The following DTNA variants were observed in gnomAD, a reference collection of about 807,000 sequenced individuals.
DTNA encodes the protein dystrobrevin alpha, also known as dystrophin-related protein 3.
Under a neutral mutation model 100.7 loss-of-function variants are expected in DTNA, and 43 were observed. The ratio of observed to expected loss-of-function variants is 0.43; its 90% CI spans 0.33 to 0.55. The LOEUF (loss-of-function observed/expected upper bound fraction) is 0.55. Among genes scored for constraint, DTNA ranks in the 20% least tolerant of loss-of-function variants. The pLI, the probability that DTNA is intolerant of heterozygous loss-of-function variation, is 0.04. For missense variants in DTNA, 798 were observed against 953.9 expected, an observed-to-expected ratio of 0.84 and a Z score of 2.15; for synonymous variants, 349 against 347.9, an observed-to-expected ratio of 1.00 and a Z score of -0.04.
At chr18:34,613,506 G>A (rs1332084978) in intron 1 of DTNA, among the ~76,000 whole-genome samples, 1 of 152,162 alleles carries the variant, frequency 6.6e-6, no homozygotes, top group Non-Finnish European at 1.5e-5. Context: ...CAAAGTAAAA[G>A]GGAAAGTTCT....
At chr18:34,731,218 G>A (rs910659549) in intron 1 of DTNA, among the ~76,000 whole-genome samples, 1 of 152,196 alleles carries the variant, frequency 6.6e-6, no homozygotes, top group Non-Finnish European at 1.5e-5. Flanking sequence ...GGTGGCTCAC[G>A]CCTGTAATCC....
At chr18:34,878,939 CA>C (rs1378964493) in intron 19 of DTNA, among the ~76,000 whole-genome samples, 1 of 152,140 alleles carries the variant, frequency 6.6e-6, no homozygotes, top group Non-Finnish European at 1.5e-5. Flanking sequence ...TAAAGCCTCT[CA>C]ATTGAAAATT....
At chr18:34,596,164 T>A (rs1451944824) in intron 1 of DTNA, among the ~76,000 whole-genome samples, 1 of 152,200 alleles carries the variant, frequency 6.6e-6, no homozygotes, top group Non-Finnish European at 1.5e-5. Flanking sequence ...ATATGCCAAA[T>A]CTTCACCATC....
intron 1 of DTNA, among the ~76,000 whole-genome samples, chr18:34,549,116 C>G (rs2045117724): frequency 6.6e-6 from 1 of 152,014 alleles, no homozygotes; most frequent in Non-Finnish European, 1.5e-5. Flanking sequence ...CCCTCTTTCC[C>G]TTTCTCTCTC....
At chr18:34,782,659 G>A (rs1295239913) in intron 3 of DTNA, among the ~76,000 whole-genome samples, 3 of 152,120 alleles carry the variant, frequency 2.0e-5, no homozygotes, top group African/African-American at 7.2e-5. Context: ...ATACAAGAAA[G>A]CCAAGGGAAT....
chr18:34,813,308 A>C (rs1282991492), intron 6 of DTNA, among the ~76,000 whole-genome samples: 4 of 151,502 alleles, frequency 2.6e-5, no homozygotes. Flanking sequence ...TTCTACGAAA[A>C]ATTTTTAAAA....
chr18:34,887,872 C>T lies in DTNA; in HGVS notation c.*138C>T, dbSNP rs933647529. ...GACAGCAGCCTGGCAGCAGCCTCAC[C>T]GAAGAGAGGAACCACCACACCCAGC... On this transcript the variant is annotated 3_prime_UTR_variant, in exon 23 of 23. Transcript: ENST00000444659. 22 of 986,576 alleles carry T rather than the reference C, an allele frequency of 2.2e-5. No individual in the cohort carries two copies. The highest frequency in any genetic ancestry group is 1.6e-4 in the African/African-American group (9 of 57,248). The allele number at this position is 986,576 out of a possible 1,614,324, so 61.1% of individuals were successfully genotyped here.
At chr18:34,807,069 C>T (rs1345162816) in intron 5 of DTNA, among the ~76,000 whole-genome samples, 7 of 152,204 alleles carry the variant, frequency 4.6e-5, no homozygotes, top group South Asian at 4.1e-4. Context: ...TTGAGGGCTT[C>T]GGTAAAACAT....
At chr18:34,642,067 A>G (rs557572690) in intron 1 of DTNA, among the ~76,000 whole-genome samples, 1 of 152,182 alleles carries the variant, frequency 6.6e-6, no homozygotes, top group Non-Finnish European at 1.5e-5. Flanking sequence ...ATTAATATAC[A>G]TTGATTATTC....
chr18:34,779,047 A>T (rs1368975684), intron 3 of DTNA, among the ~76,000 whole-genome samples: 1 of 152,018 alleles, frequency 6.6e-6, no homozygotes, highest in Admixed American at 6.6e-5. Flanking sequence ...AGTATTTTTA[A>T]AAATCATTCT....
intron 11 of DTNA, among the ~76,000 whole-genome samples, chr18:34,830,879 C>G (rs1194720186): frequency 1.3e-5 from 2 of 152,264 alleles, no homozygotes; most frequent in East Asian, 3.9e-4. Context: ...TCTATTATCA[C>G]CACTGGGGAA....
intron 1 of DTNA, among the ~76,000 whole-genome samples, chr18:34,515,721 A>G (rs2041536267): frequency 6.6e-6 from 1 of 152,114 alleles, no homozygotes; most frequent in Non-Finnish European, 1.5e-5. Context: ...CTCGTAACCA[A>G]CAAATGCTGT....
chr18:34,647,400 G>C (rs898074911), intron 1 of DTNA, among the ~76,000 whole-genome samples: 1 of 152,072 alleles, frequency 6.6e-6, no homozygotes, highest in Non-Finnish European at 1.5e-5. Context: ...CCACCAGTAG[G>C]GGGAAAAATG....
At chr18:34,665,016 C>T (rs2075714016) in intron 1 of DTNA, among the ~76,000 whole-genome samples, 1 of 151,186 alleles carries the variant, frequency 6.6e-6, no homozygotes, top group Admixed American at 6.6e-5. Context: ...CTCATCTCCC[C>T]AGAGTCAGAT....
chr18:34,515,111 A>G (rs918217579), intron 1 of DTNA, among the ~76,000 whole-genome samples: 5 of 152,076 alleles, frequency 3.3e-5, no homozygotes, highest in Non-Finnish European at 5.9e-5. Context: ...ATTGCAAAAC[A>G]GCTGGCTCAA....
At chr18:34,822,329 C>CTAATGAA (rs1241677478) in intron 9 of DTNA, 1 of 152,210 alleles carries the variant, frequency 6.6e-6, no homozygotes, top group African/African-American at 2.4e-5. Flanking sequence ...CACTAAGTTG[C>CTAATGAA]TAATGAATGA....
intron 22 of DTNA, among the ~76,000 whole-genome samples, chr18:34,887,039 A>G (rs538580140): frequency 2.0e-5 from 3 of 152,322 alleles, no homozygotes; most frequent in African/African-American, 7.2e-5. Context: ...TCAGCTTGAC[A>G]TTAGTTAGCC....
chr18:34,616,607 A>G (rs1406748173), intron 1 of DTNA, among the ~76,000 whole-genome samples: 1 of 152,114 alleles, frequency 6.6e-6, no homozygotes. Context: ...TGCTTTCACT[A>G]TTCAGGCTCT....
At chr18:34,746,167 A>C (rs925338613) in intron 1 of DTNA, among the ~76,000 whole-genome samples, 2 of 151,618 alleles carry the variant, frequency 1.3e-5, no homozygotes, top group African/African-American at 2.4e-5. Context: ...GTTAATTAAA[A>C]AAACAGTCTT....
Sources: allele counts gnomAD v4.1 joint callset (sites outside exome capture counted in the v4.1 genomes callset), GRCh38; gene constraint gnomAD v4.1.1; transcripts MANE v1.5; gene names NCBI Gene and HGNC (gene_info 2026-07-23, HGNC 2026-07-21).